CD74: variants seen among roughly 807,000 people sequenced by gnomAD.
CD74 encodes the protein CD74 molecule.
In CD74, 20 loss-of-function variants were observed where a neutral mutation model predicts 37.1. The ratio of observed to expected loss-of-function variants is 0.54; its 90% CI spans 0.38 to 0.78. The LOEUF is 0.78. Ranked by LOEUF, CD74 falls within the 30% of genes least tolerant of loss-of-function variation. CD74 has a pLI of 0.00. For missense variants in CD74, 338 were observed against 389.5 expected (o/e 0.87, Z 1.11); for synonymous variants, 150 against 152.0 (o/e 0.99, Z 0.10).
chr5:150,412,194 G>A (rs1313575133), intron 1 of CD74, among the ~76,000 whole-genome samples: 1 of 152,154 alleles, frequency 6.6e-6, no homozygotes, highest in Non-Finnish European at 1.5e-5. Context: ...CGAACTCCTG[G>A]CCTCAGCTGA....
chr5:150,411,697 G>A (rs2151186274), intron 1 of CD74, among the ~76,000 whole-genome samples: 1 of 152,304 alleles, frequency 6.6e-6, no homozygotes, highest in South Asian at 2.1e-4. Context: ...CACAGGCAAG[G>A]ACATGACCCC....
intron 5 of CD74, 26 bp from the exon 6 acceptor site, chr5:150,404,793 G>A: frequency 6.9e-7 from 1 of 1,454,760 alleles, no homozygotes; most frequent in Non-Finnish European, 9.5e-7. Flanking sequence ...GTGGAGGTCA[G>A]GTTCGATGGC....
intron 1 of CD74, among the ~76,000 whole-genome samples, chr5:150,410,075 GC>G (rs1253658976): frequency 1.5e-5 from 2 of 136,702 alleles, no homozygotes; most frequent in Non-Finnish European, 3.2e-5. Flanking sequence ...TGGGCGGGGG[GC>G]GGGGGGGAAG....
chr5:150,401,957 G>C lies in CD74; in HGVS notation c.*283C>G. On this transcript the variant is annotated 3_prime_UTR_variant, in exon 9 of 9. Transcript: ENST00000009530. Reference sequence around the variant, plus strand: ...TAGGTCTTGGAGCCTTGTGTTGGAGGCTGCTGTGATGTCAGGAACGGGGAT... The same window carrying C: ...TAGGTCTTGGAGCCTTGTGTTGGAGCCTGCTGTGATGTCAGGAACGGGGAT... 2 of 1,115,300 alleles carry C rather than the reference G, an allele frequency of 1.8e-6. No homozygotes were observed. The highest frequency in any genetic ancestry group is 2.6e-6 in the Non-Finnish European group (2 of 762,348). 69.1% of individuals were successfully genotyped at this position (1,115,300 alleles called of 1,614,324 possible).
At position 150,412,733 on chromosome 5, in the gene CD74, C is replaced by T. The variant is rs1339572080; in HGVS notation, c.17G>A (p.Ser6Asn). ...CTTCTGATCTTCCCGACAGCTCCTG[C>T]TTCTCCTCCTGTGCATCTGGGACCC... MHRRR[S>N]RSCREDQKPV... Residue 6 changes from serine to asparagine, a missense_variant, in exon 1 of 9, where the codon AGC becomes AAC. Ser to Asn is a conservative substitution (Grantham distance 46). Coordinates refer to ENST00000009530, the MANE Select transcript of CD74 (RefSeq NM_001025159.3). The T allele has an allele frequency of 6.2e-7, 1 of 1,614,082 alleles. No homozygotes were observed. Among genetic ancestry groups the T allele is most frequent in the Non-Finnish European group, 8.5e-7 (1 of 1,179,962 alleles).
intron 6 of CD74, among the ~76,000 whole-genome samples, chr5:150,404,265 C>T (rs1769812549): frequency 6.6e-6 from 1 of 152,180 alleles, no homozygotes; most frequent in South Asian, 2.1e-4. Flanking sequence ...GTGGGAAACG[C>T]CCAAGGCTCT....
At chr5:150,408,291 G>T (rs1770114169) in intron 1 of CD74, among the ~76,000 whole-genome samples, 1 of 152,072 alleles carries the variant, frequency 6.6e-6, no homozygotes, top group Non-Finnish European at 1.5e-5. Context: ...GAGTGGGCTG[G>T]GGGAGGCTTG....
chr5:150,409,396 G>A (rs759489394), intron 1 of CD74, among the ~76,000 whole-genome samples: 7 of 151,732 alleles, frequency 4.6e-5, no homozygotes, highest in South Asian at 2.1e-4. Flanking sequence ...ACGTGGTGGC[G>A]AGCACCTGTA....
intron 1 of CD74, among the ~76,000 whole-genome samples, chr5:150,409,704 C>CAAAAAAAAAAAAA (rs755621804): frequency 2.9e-4 from 26 of 89,362 alleles, no homozygotes; most frequent in African/African-American, 4.3e-4. Flanking sequence ...AAAAACATAA[C>CAAAAAAAAAAAAA]AAAAAAAAAA....
At chr5:150,412,211 C>T (rs540534263) in intron 1 of CD74, among the ~76,000 whole-genome samples, 3 of 152,188 alleles carry the variant, frequency 2.0e-5, no homozygotes, top group Non-Finnish European at 2.9e-5. Context: ...CTGATCTGCC[C>T]GCCTCAGCCT....
chr5:150,411,633 G>C (rs575696844), intron 1 of CD74, among the ~76,000 whole-genome samples: 22 of 152,282 alleles, frequency 1.4e-4, no homozygotes, highest in Admixed American at 3.3e-4. Flanking sequence ...TGGGAAGTGG[G>C]GGCCTGGTGT....
intron 1 of CD74, among the ~76,000 whole-genome samples, chr5:150,410,679 T>TAAA (rs753661401): frequency 9.1e-6 from 1 of 110,420 alleles, no homozygotes. Context: ...CTTCTGCAAT[T>TAAA]AAAAAAAAAA....
Position 150,407,900 on chromosome 5 carries a change from A to G in CD74, c.126-576T>C, listed in dbSNP as rs772919018. 4.1e-4 allele frequency among the ~76,000 whole-genome samples: 63 copies of G among 151,886 alleles called. 1 individual carries two copies. The highest frequency in any genetic ancestry group is 5.8e-4 in the East Asian group (3 of 5,162). On this transcript the variant is annotated intron_variant, in intron 1 of 8. Coordinates refer to ENST00000009530, the MANE Select transcript of CD74 (RefSeq NM_001025159.3). The surrounding 1 kb of genome is among the most constrained non-coding windows in gnomAD (Gnocchi z 4.4). ...TCTCCGAGTAGCTGGGACTACAGGCACCCGCCACCACGCCTGGCTAATTAT... is the reference window on the plus strand; with the variant it reads ...TCTCCGAGTAGCTGGGACTACAGGCGCCCGCCACCACGCCTGGCTAATTAT...
At position 150,402,476 on chromosome 5, in the gene CD74, G is replaced by A. The variant is rs369591745; in HGVS notation, c.880+87C>T. On this transcript the variant is annotated intron_variant, in intron 8 of 8. Transcript: ENST00000009530. The surrounding 1 kb of genome is among the most constrained non-coding windows in gnomAD (Gnocchi z 4.2). ...CAGGAATGTTGGAGAGTGGCCCAGC[G>A]TCACACTCCTTCACCTGCCCACAAA... 810 of 1,178,602 alleles carry A rather than the reference G, an allele frequency of 6.9e-4. 6 individuals carry two copies. In the African/African-American group the frequency reaches 0.011, roughly 16 times the overall value. The allele number at this position is 1,178,602 out of a possible 1,614,324, so 73.0% of individuals were successfully genotyped here. A position where few individuals can be genotyped will look rare whatever the true frequency, so the allele number is the denominator to read the frequency against.
At position 150,402,651 on chromosome 5, in the gene CD74, G is replaced by C. The variant is rs1204563590; in HGVS notation, c.818-26C>G. Reference sequence around the variant, plus strand: ...CTGCAAAGGAGCAGCAAGTCCGTTTGTCACTTGAAGTGCAGCCTACCTGAC... The same window carrying C: ...CTGCAAAGGAGCAGCAAGTCCGTTTCTCACTTGAAGTGCAGCCTACCTGAC... On this transcript the variant is annotated intron_variant, in intron 7 of 8. Coordinates refer to ENST00000009530, the MANE Select transcript of CD74 (RefSeq NM_001025159.3). This position sits in a 1 kb window ranked among gnomAD's most constrained non-coding sequence, Gnocchi z 4.2. 8 of 1,583,364 alleles carry C rather than the reference G, an allele frequency of 5.1e-6. No homozygotes were observed. In the African/African-American group the frequency reaches 8.1e-5, roughly 16 times the overall value.
intron 5 of CD74, 116 bp from the exon 6 acceptor site, chr5:150,404,883 G>T (rs1430986485): frequency 1.3e-5 from 11 of 834,242 alleles, no homozygotes; most frequent in Non-Finnish European, 2.2e-5. Flanking sequence ...CAACACCCGG[G>T]TCCAGCTGCA....
rs1049131771 is a variant in CD74, at chr5:150,408,325, C to T, written c.126-1001G>A. Among the ~76,000 whole-genome samples the T allele has an allele frequency of 2.6e-5, 4 of 152,078 alleles. No individual in the cohort carries two copies. In the South Asian group the frequency reaches 6.2e-4, roughly 24 times the overall value. ...TGGACAATGTCAGGCTGAAGCAGGGCCAGGCACCACCCACTCTGGGGCCAT... is the reference window on the plus strand; with the variant it reads ...TGGACAATGTCAGGCTGAAGCAGGGTCAGGCACCACCCACTCTGGGGCCAT... On this transcript the variant is annotated intron_variant, in intron 1 of 8. Transcript: ENST00000009530.
At position 150,402,020 on chromosome 5, in the gene CD74, C is replaced by A; in HGVS notation, c.*220G>T. 6.5e-7 allele frequency: 1 copy of A among 1,534,612 alleles called. No individual in the cohort carries two copies. Among genetic ancestry groups the A allele is most frequent in the Non-Finnish European group, 8.7e-7 (1 of 1,144,962 alleles). On this transcript the variant is annotated 3_prime_UTR_variant, in exon 9 of 9. Transcript: ENST00000009530. This position sits in a 1 kb window ranked among gnomAD's most constrained non-coding sequence, Gnocchi z 4.2. ...TGGCCACTTCCTGGGACCTCACGCCCCTGTTGACAGATGGAGATTGGGCAG... is the reference window on the plus strand; with the variant it reads ...TGGCCACTTCCTGGGACCTCACGCCACTGTTGACAGATGGAGATTGGGCAG...
chr5:150,407,119 G>C lies in CD74; in HGVS notation c.298+33C>G. On this transcript the variant is annotated intron_variant, in intron 2 of 8. Coordinates refer to ENST00000009530, the MANE Select transcript of CD74 (RefSeq NM_001025159.3). This position sits in a 1 kb window ranked among gnomAD's most constrained non-coding sequence, Gnocchi z 4.4. The stretch of plus-strand genomic sequence containing the variant: ...TCTCTGAGTTGAGGGATGGTGGGAG[G>C]TGGGGGGTATCAGGATGTAGGGGTG... The C allele has an allele frequency of 6.2e-7, 1 of 1,601,764 alleles. No homozygotes were observed. Among genetic ancestry groups the C allele is most frequent in the Non-Finnish European group, 8.5e-7 (1 of 1,170,420 alleles).
Sources: gnomAD v4.1 joint callset for allele counts (sites outside exome capture counted in the v4.1 genomes callset) on GRCh38, gnomAD v4.1.1 for gene constraint, Gnocchi (gnomAD v3.1) non-coding constraint, MANE v1.5 for transcripts, NCBI Gene and HGNC (gene_info 2026-07-23, HGNC 2026-07-21) for gene names.